Variants in FAP observed in about 807,000 individuals in gnomAD.
FAP encodes fibroblast activation protein alpha.
Under a neutral mutation model 126.5 loss-of-function variants are expected in FAP, and 110 were observed. That is an observed-to-expected ratio of 0.87 (90% CI 0.74 to 1.02). The LOEUF is 1.02. Ranked by LOEUF, FAP falls within the 50% of genes least tolerant of loss-of-function variation. The pLI is 0.00. For synonymous variants in FAP, 334 were observed against 297.3 expected (o/e 1.12, Z -1.27); for missense variants, 919 against 909.2 (o/e 1.01, Z -0.14).
At chr2:162,207,995 T>C (rs948823716) in intron 12 of FAP, among the ~76,000 whole-genome samples, 2 of 151,644 alleles carry the variant, frequency 1.3e-5, no homozygotes, top group Admixed American at 6.6e-5. Flanking sequence ...CGGTGGCTCA[T>C]GCCTGTAATC....
intron 25 of FAP, chr2:162,172,602 A>C (rs1273429312): frequency 5.8e-6 from 3 of 515,796 alleles, no homozygotes; most frequent in African/African-American, 1.9e-5. Context: ...ACATGACTCA[A>C]CTGGGAACAC....
chr2:162,209,441 C>A (rs1688840316), intron 12 of FAP, among the ~76,000 whole-genome samples: 1 of 152,030 alleles, frequency 6.6e-6, no homozygotes, highest in African/African-American at 2.4e-5. Context: ...TCACAAGTAA[C>A]AAACACACAT....
In FAP at chr2:162,188,237, G is replaced by T; in HGVS notation, c.1746C>A (p.Asp582Glu). 1 of 1,613,316 alleles carries T rather than the reference G, an allele frequency of 6.2e-7. No individual in the cohort carries two copies. The change falls in exon 20 of 26, where the codon GAC becomes GAA. Residue 582 changes from aspartate (D) to glutamate (E), a missense_variant. By Grantham distance (45) the Asp-to-Glu change is conservative. Transcript: ENST00000188790. Reference sequence around the variant, plus strand: ...TTCGATACACTGCATAGAGGAGTTTGTCACCTTGGAAAGCTGTTCCTCGAC... The same window carrying T: ...TTCGATACACTGCATAGAGGAGTTTTTCACCTTGGAAAGCTGTTCCTCGAC... ...VDGRGTAFQG[D>E]KLLYAVYRKL...
At chr2:162,204,013 A>C (rs373388908) in intron 12 of FAP, among the ~76,000 whole-genome samples, 40 of 152,328 alleles carry the variant, frequency 2.6e-4, no homozygotes, top group African/African-American at 9.6e-4. Flanking sequence ...ATGGCAAATC[A>C]TTAAAAGAAT....
At chr2:162,219,733 A>G in intron 7 of FAP, 120 bp downstream of exon 7, 1 of 727,084 alleles carries the variant, frequency 1.4e-6, no homozygotes, top group South Asian at 1.6e-5. Flanking sequence ...GTTTTTAACC[A>G]CTAAAATAGT....
At chr2:162,180,565 G>A (rs1407939254) in intron 21 of FAP, among the ~76,000 whole-genome samples, 2 of 152,198 alleles carry the variant, frequency 1.3e-5, no homozygotes, top group Non-Finnish European at 2.9e-5. Context: ...AACTAAGGCA[G>A]TGTCAGTAGG....
intron 15 of FAP, among the ~76,000 whole-genome samples, 159 bp from the exon 16 acceptor site, chr2:162,199,040 T>C (rs550532347): frequency 6.6e-6 from 1 of 152,372 alleles, no homozygotes; most frequent in East Asian, 1.9e-4. Flanking sequence ...CACAGTATTT[T>C]GATGTAGCTT....
chr2:162,201,485 C>T (rs774241626), intron 14 of FAP, among the ~76,000 whole-genome samples: 1 of 152,118 alleles, frequency 6.6e-6, no homozygotes, highest in Non-Finnish European at 1.5e-5. Flanking sequence ...TTGCCCTCCC[C>T]ACATCATCTA....
Position 162,223,667 on chromosome 2 carries a change from G to T in FAP, c.361-7C>A. The T allele has an allele frequency of 6.2e-7, 1 of 1,604,152 alleles. No individual in the cohort carries two copies. The highest frequency in any genetic ancestry group is 8.5e-7 in the Non-Finnish European group (1 of 1,171,618). On this transcript the variant is annotated splice_region_variant and splice_polypyrimidine_tract_variant and intron_variant, in intron 5 of 25. Coordinates refer to ENST00000188790, the MANE Select transcript of FAP (RefSeq NM_004460.5). ...TGTAAGAGTATCTCCAAAGCTGTCA[G>T]AAAGAAGAAAGACAAAAAACAAATT...
chr2:162,179,082 A>G (rs560475551), intron 21 of FAP, among the ~76,000 whole-genome samples: 30 of 152,280 alleles, frequency 2.0e-4, no homozygotes, highest in Non-Finnish European at 3.4e-4. Flanking sequence ...AGCCAAGATT[A>G]TCTTTCTAAG....
At chr2:162,190,047 C>A (rs2106228868) in intron 17 of FAP, among the ~76,000 whole-genome samples, 1 of 152,078 alleles carries the variant, frequency 6.6e-6, no homozygotes, top group South Asian at 2.1e-4. Flanking sequence ...GTTTTCCCAT[C>A]TAAAGCTGTT....
intron 25 of FAP, chr2:162,171,457 G>C (rs960675398): frequency 1.2e-5 from 2 of 170,426 alleles, no homozygotes; most frequent in African/African-American, 4.8e-5. Context: ...TTTTCCCTAA[G>C]ATTCCTTGTA....
chr2:162,233,152 A>G (rs13397216), intron 2 of FAP, among the ~76,000 whole-genome samples: 2,942 of 152,160 alleles, frequency 0.019, 83 homozygotes, highest in African/African-American at 0.068. Context: ...CCACTTACAT[A>G]TCTCACAAGC....
At chr2:162,203,899 C>T (rs188296348) in intron 12 of FAP, among the ~76,000 whole-genome samples, 1 of 152,156 alleles carries the variant, frequency 6.6e-6, no homozygotes, top group East Asian at 1.9e-4. Context: ...TGTTCTTACA[C>T]CAAATTTTAG....
chr2:162,199,367 A>G (rs1417690371), intron 15 of FAP, among the ~76,000 whole-genome samples: 1 of 152,240 alleles, frequency 6.6e-6, no homozygotes, highest in Non-Finnish European at 1.5e-5. Context: ...TTACAGTTCT[A>G]AGTGCCTTCT....
rs1292544990 is a variant in FAP at position 162,203,047 on chromosome 2, G to A, written c.1146C>T (p.Asp382=). The A allele has an allele frequency of 5.6e-6, 9 of 1,610,508 alleles. No individual in the cohort carries two copies. The highest frequency in any genetic ancestry group is 1.3e-5 in the African/African-American group (1 of 74,854). Residue 382 remains aspartate, a synonymous_variant, in exon 13 of 26, where the codon GAC becomes GAT. Transcript: ENST00000188790. ...AATCTTGGAAGGAACGTACCACAGT[G>A]TCTTTGATATAGTGAATATGTTTGT... ...DGYKHIHYIK[D]TVENAIQITS...
At chr2:162,236,795 G>A (rs953169201) in intron 2 of FAP, among the ~76,000 whole-genome samples, 2 of 152,188 alleles carry the variant, frequency 1.3e-5, no homozygotes, top group African/African-American at 4.8e-5. Flanking sequence ...TAGGGAGGGA[G>A]TTTCTCCATG....
chr2:162,215,800 C>T (rs1486548905), intron 10 of FAP, 98 bp downstream of exon 10: 5 of 793,264 alleles, frequency 6.3e-6, no homozygotes, highest in African/African-American at 3.5e-5. Context: ...GCTTTGTGTG[C>T]AACTCTTATC....
intron 2 of FAP, 141 bp from the exon 3 acceptor site, chr2:162,226,762 A>G (rs866826458): frequency 1.9e-6 from 1 of 529,440 alleles, no homozygotes; most frequent in Non-Finnish European, 3.4e-6. Flanking sequence ...TCCTATCATC[A>G]TAACTATTAT....
Sources: allele counts gnomAD v4.1 joint callset (sites outside exome capture counted in the v4.1 genomes callset), GRCh38; gene constraint gnomAD v4.1.1; transcripts MANE v1.5; gene names NCBI Gene and HGNC (gene_info 2026-07-23, HGNC 2026-07-21).